ANKRD60: variants seen among roughly 807,000 people sequenced by gnomAD.
ANKRD60 encodes ankyrin repeat domain-containing protein 60.
A neutral mutation model predicts 21.3 loss-of-function variants in ANKRD60; 24 were observed. The ratio of observed to expected loss-of-function variants is 1.13; its 90% CI spans 0.82 to 1.59. The LOEUF is 1.59. ANKRD60 is among the 40% of genes most tolerant of loss of function. ANKRD60 has a pLI of 0.00. For missense variants in ANKRD60, 490 were observed against 466.7 expected (o/e 1.05, Z -0.46); for synonymous variants, 182 against 199.4 (o/e 0.91, Z 0.74).
In ANKRD60 at chr20:58,228,371, C is replaced by T; in HGVS notation, c.283G>A (p.Val95Ile). ...GTCTCCTCCAGCCGCACCCGCAGGA[C>T]GAAGACGTCAGGGGCCAAGTCGGGC... The change falls in exon 1 of 4, where the codon GTC (valine) becomes ATC (isoleucine). Residue 95 changes from valine to isoleucine, a missense_variant. Val to Ile is a conservative substitution (Grantham distance 29). Transcript: ENST00000457363. The surrounding 1 kb of genome is among the most constrained non-coding windows in gnomAD (Gnocchi z 5.3). The T allele has an allele frequency of 2.6e-6, 4 of 1,549,844 alleles. No homozygotes were observed. Among genetic ancestry groups the T allele is most frequent in the Non-Finnish European group, 3.5e-6 (4 of 1,146,866 alleles).
exon 2 of ANKRD60, chr20:58,223,096 A>G (rs1401260821): frequency 1.3e-6 from 2 of 1,551,910 alleles, no homozygotes; most frequent in Non-Finnish European, 8.7e-7. Flanking sequence ...AGTTCTGTCC[A>G]TCCGTCATGA....
rs763744083 is a variant in ANKRD60 at position 58,228,393 on chromosome 20, G to A, written c.261C>T (p.Pro87=). The A allele has an allele frequency of 2.6e-6, 4 of 1,546,992 alleles. No individual in the cohort carries two copies. The East Asian group carries it at 7.3e-5, about 28-fold the overall frequency. ...GGACGAAGACGTCAGGGGCCAAGTC[G>A]GGCAAGGCACTCGCGGCCTTCGGGT... Residue 87 remains proline, a synonymous_variant, in exon 1 of 4, where the codon CCC becomes CCT. Coordinates refer to ENST00000457363, the Ensembl canonical transcript of ANKRD60. The surrounding 1 kb of genome is among the most constrained non-coding windows in gnomAD (Gnocchi z 5.3).
intron 1 of ANKRD60, among the ~76,000 whole-genome samples, chr20:58,227,994 G>A (rs1299404573): frequency 2.0e-5 from 3 of 152,154 alleles, no homozygotes; most frequent in African/African-American, 7.2e-5. Context: ...GACAAGGTTT[G>A]CCTTGATTGG....
intron 1 of ANKRD60, 126 bp from the exon 2 acceptor site, chr20:58,223,308 A>C: frequency 4.9e-6 from 4 of 819,358 alleles, no homozygotes; most frequent in African/African-American, 1.7e-5. Flanking sequence ...TCGAATACAA[A>C]TCTCATTTGA....
At chr20:58,220,683 AGTGTGTGTGT>A (rs36015489) in intron 3 of ANKRD60, among the ~76,000 whole-genome samples, 12 of 148,510 alleles carry the variant, frequency 8.1e-5, no homozygotes, top group South Asian at 2.1e-4. Flanking sequence ...GGTTTTTTCT[AGTGTGTGTGT>A]GTGTGTGTGT....
chr20:58,223,041 C>A lies in ANKRD60; in HGVS notation c.561+11G>T, dbSNP rs79647580. 776 of 1,542,638 alleles carry A rather than the reference C, an allele frequency of 5.0e-4. 7 individuals carry two copies. In the African/African-American group the frequency reaches 9.8e-3, roughly 20 times the overall value. ...AACGTATAATATCCATTTAAAGAAG[C>A]TTGAAAACACCTTGCTGGGATCCCC... On this transcript the variant is annotated intron_variant, in intron 2 of 3. Coordinates refer to ENST00000457363, the Ensembl canonical transcript of ANKRD60.
intron 1 of ANKRD60, among the ~76,000 whole-genome samples, chr20:58,223,734 C>T (rs984727847): frequency 3.3e-4 from 50 of 152,304 alleles, no homozygotes; most frequent in South Asian, 1.7e-3. Flanking sequence ...GGCCCCTCCT[C>T]GTTGTCTGGT....
At chr20:58,221,213 G>T in intron 3 of ANKRD60, 125 bp downstream of exon 3, 4 of 1,071,124 alleles carry the variant, frequency 3.7e-6, no homozygotes, top group South Asian at 1.7e-5. Flanking sequence ...GACCCTGACT[G>T]GTGGCTGACA....
chr20:58,222,955 C>T, intron 2 of ANKRD60, 97 bp downstream of exon 2: 1 of 1,360,988 alleles, frequency 7.3e-7, no homozygotes, highest in Non-Finnish European at 9.7e-7. Flanking sequence ...TGCTCTGAAA[C>T]TGTTATTCAC....
chr20:58,222,469 T>G (rs1034080646), intron 2 of ANKRD60, among the ~76,000 whole-genome samples: 4 of 152,232 alleles, frequency 2.6e-5, no homozygotes, highest in African/African-American at 2.4e-5. Flanking sequence ...CGAATTTCTT[T>G]TCTAGGAAGA....
At chr20:58,222,868 G>T (rs1008521535) in intron 2 of ANKRD60, among the ~76,000 whole-genome samples, 184 bp downstream of exon 2, 1 of 152,168 alleles carries the variant, frequency 6.6e-6, no homozygotes, top group African/African-American at 2.4e-5. Context: ...CCAGCAAAAT[G>T]GTAAACCCAA....
intron 3 of ANKRD60, among the ~76,000 whole-genome samples, chr20:58,220,710 G>A (rs1174596183): frequency 1.2e-5 from 1 of 82,908 alleles, no homozygotes; most frequent in Non-Finnish European, 3.1e-5. Flanking sequence ...GTGTGTGTGT[G>A]TGTGTGTGTG....
chr20:58,217,045 G>A (rs534934239), downstream of ANKRD60, among the ~76,000 whole-genome samples: 97 of 152,334 alleles, frequency 6.4e-4, no homozygotes, highest in African/African-American at 2.3e-3. Flanking sequence ...GAGTTTGACA[G>A]TGAGAGGCAG....
chr20:58,225,063 T>C (rs1984338003), intron 1 of ANKRD60, among the ~76,000 whole-genome samples: 1 of 152,214 alleles, frequency 6.6e-6, no homozygotes, highest in African/African-American at 2.4e-5. Flanking sequence ...AAATTTCTTC[T>C]AATAATGAGT....
Position 58,221,307 on chromosome 20 carries a change from A to G in ANKRD60, c.727+31T>C, listed in dbSNP as rs753531735. ...TTCTACCTGCAAAAAATCCCAACTC[A>G]TGAATATAGCAAGCTTTCTACCAGA... On this transcript the variant is annotated intron_variant, in intron 3 of 3. Coordinates refer to ENST00000457363, the Ensembl canonical transcript of ANKRD60. The G allele has an allele frequency of 9.9e-5, 153 of 1,543,228 alleles. 1 individual carries two copies. The highest frequency in any genetic ancestry group is 1.3e-4 in the Non-Finnish European group (150 of 1,141,894).
chr20:58,220,925 G>C (rs8121538), intron 3 of ANKRD60, among the ~76,000 whole-genome samples: 7,482 of 152,164 alleles, frequency 0.049, 251 homozygotes, highest in East Asian at 0.14. Flanking sequence ...GAGCCACCGT[G>C]CCTGGCCAGA....
intron 1 of ANKRD60, 138 bp from the exon 2 acceptor site, chr20:58,223,320 G>A (rs192492332): frequency 2.6e-6 from 2 of 773,150 alleles, no homozygotes; most frequent in African/African-American, 3.5e-5. Context: ...CTCATTTGAT[G>A]GTGTCGCGTG....
At chr20:58,225,620 G>A (rs6026137) in intron 1 of ANKRD60, among the ~76,000 whole-genome samples, 3 of 152,180 alleles carry the variant, frequency 2.0e-5, no homozygotes, top group Admixed American at 2.0e-4. Context: ...TTACGGATTA[G>A]GAAACTGAGC....
chr20:58,227,504 T>C (rs1371825305), intron 1 of ANKRD60, among the ~76,000 whole-genome samples: 2 of 152,082 alleles, frequency 1.3e-5, no homozygotes, highest in Non-Finnish European at 2.9e-5. Flanking sequence ...CAAGGTTTGT[T>C]CAAGCCCTGG....
Sources: gnomAD v4.1 joint callset for allele counts (sites outside exome capture counted in the v4.1 genomes callset) on GRCh38, gnomAD v4.1.1 for gene constraint, Gnocchi (gnomAD v3.1) non-coding constraint, MANE v1.5 for transcripts, NCBI Gene and HGNC (gene_info 2026-07-23, HGNC 2026-07-21) for gene names.